Variants in SCN8A observed in about 807,000 individuals in gnomAD.
The protein encoded by SCN8A is sodium channel protein type 8 subunit alpha.
In SCN8A, 30 loss-of-function variants were observed where a neutral mutation model predicts 184.1. That is an observed-to-expected ratio of 0.16 (90% CI 0.12 to 0.22). The LOEUF (loss-of-function observed/expected upper bound fraction) is 0.22. SCN8A is among the 10% of genes least tolerant of loss of function. SCN8A has a pLI of 1.00. For synonymous variants in SCN8A, 852 were observed against 907.0 expected, an observed-to-expected ratio of 0.94 and a Z score of 1.09; for missense variants, 1,057 against 2,498.9, an observed-to-expected ratio of 0.42 and a Z score of 12.30.
intron 25 of SCN8A, among the ~76,000 whole-genome samples, chr12:51,791,216 C>CA (rs941074091): frequency 2.6e-5 from 4 of 151,970 alleles, no homozygotes; most frequent in Non-Finnish European, 5.9e-5. Context: ...ACAACACCAC[C>CA]AAAAAAACCC....
intron 6 of SCN8A, among the ~76,000 whole-genome samples, chr12:51,693,339 T>C (rs1326199878): frequency 2.0e-5 from 3 of 152,240 alleles, no homozygotes; most frequent in African/African-American, 7.2e-5. Flanking sequence ...CACTAAATGC[T>C]CACAGGATCC....
chr12:51,731,122 A>G (rs865858099), intron 12 of SCN8A, among the ~76,000 whole-genome samples: 1 of 152,352 alleles, frequency 6.6e-6, no homozygotes, highest in Middle Eastern at 3.4e-3. Flanking sequence ...CTATTGATGG[A>G]CACTTAGGTT....
chr12:51,597,586 G>A (rs1939376627), intron 1 of SCN8A, among the ~76,000 whole-genome samples: 1 of 152,128 alleles, frequency 6.6e-6, no homozygotes, highest in Admixed American at 6.5e-5. Flanking sequence ...AAATTAAAAT[G>A]TTACTTTTAC....
intron 1 of SCN8A, among the ~76,000 whole-genome samples, chr12:51,628,671 A>G (rs937451818): frequency 5.9e-5 from 9 of 152,112 alleles, no homozygotes; most frequent in Non-Finnish European, 8.8e-5. Context: ...AGAGTTGAGT[A>G]TTGGTGTCAA....
chr12:51,724,981 T>C (rs1248858762), intron 12 of SCN8A, among the ~76,000 whole-genome samples: 2 of 152,132 alleles, frequency 1.3e-5, no homozygotes, highest in Non-Finnish European at 2.9e-5. Flanking sequence ...AGGTCTGCAT[T>C]TGGGTTTTGG....
intron 1 of SCN8A, among the ~76,000 whole-genome samples, chr12:51,641,961 TGAAAA>T (rs1279356592): frequency 6.6e-6 from 1 of 152,234 alleles, no homozygotes; most frequent in Non-Finnish European, 1.5e-5. Context: ...GCAGAACTGT[TGAAAA>T]GAAGATGCAT....
chr12:51,618,279 G>C (rs541343055), intron 1 of SCN8A, among the ~76,000 whole-genome samples: 1 of 152,172 alleles, frequency 6.6e-6, no homozygotes, highest in South Asian at 2.1e-4. Flanking sequence ...GGGCAGGAGA[G>C]AGCAGGAAAC....
At chr12:51,793,415 G>A (rs1453616227) in intron 25 of SCN8A, among the ~76,000 whole-genome samples, 1 of 152,146 alleles carries the variant, frequency 6.6e-6, no homozygotes, top group East Asian at 1.9e-4. Context: ...CTTGGACATG[G>A]TAAGTTTGAG....
At chr12:51,629,142 G>C (rs977700779) in intron 1 of SCN8A, among the ~76,000 whole-genome samples, 1 of 152,196 alleles carries the variant, frequency 6.6e-6, no homozygotes, top group Non-Finnish European at 1.5e-5. Flanking sequence ...TTGAGAAATA[G>C]ATTTCTTTAT....
At chr12:51,688,073 T>C (rs1330182102) in intron 5 of SCN8A, among the ~76,000 whole-genome samples, 1 of 152,222 alleles carries the variant, frequency 6.6e-6, no homozygotes, top group African/African-American at 2.4e-5. Flanking sequence ...TGACTTTCTG[T>C]TATATAAAGG....
Position 51,807,169 on chromosome 12 carries a change from G to C in SCN8A, c.5683G>C (p.Glu1895Gln). 1 of 1,613,994 alleles carries C rather than the reference G, an allele frequency of 6.2e-7. No individual in the cohort carries two copies. Among genetic ancestry groups the C allele is most frequent in the Non-Finnish European group, 8.5e-7 (1 of 1,179,906 alleles). Residue 1895 changes from glutamate to glutamine, a missense_variant, in exon 27 of 27, where the codon GAG (glutamate) becomes CAG (glutamine). Physicochemically the swap from Glu to Gln is conservative, Grantham distance 29. Around this residue, in one of 19 missense-constraint regions of SCN8A, gnomAD observed 95 missense variants for 140.2 expected, o/e 0.68. Coordinates refer to ENST00000627620, the MANE Select transcript of SCN8A (RefSeq NM_001330260.2). The surrounding 1 kb of genome is among the most constrained non-coding windows in gnomAD (Gnocchi z 4.5). The part of the protein sequence containing the change: ...PITTTLRRKQ[E>Q]EVSAVVLQRA... ...CACAACCACACTGCGTCGCAAGCAG[G>C]AGGAGGTATCTGCAGTGGTCCTGCA...
At chr12:51,780,360 A>G (rs1323850215) in intron 20 of SCN8A, 3 of 343,360 alleles carry the variant, frequency 8.7e-6, no homozygotes, top group South Asian at 4.8e-5. Flanking sequence ...CCCCTTTTCC[A>G]ACTTGTGTGT....
Position 51,686,870 on chromosome 12 carries a change from C to T in SCN8A, c.486-221C>T, listed in dbSNP as rs561220327. ...AAGTTAACTTCCTTGGAATACAGTT[C>T]AGGACCCAGTACAACATTCCAAAGG... On this transcript the variant is annotated intron_variant, in intron 4 of 26. Transcript: ENST00000627620. Among the ~76,000 whole-genome samples, 8 of 152,274 alleles carry T rather than the reference C, an allele frequency of 5.3e-5. No homozygotes were observed. In the East Asian group the frequency reaches 1.5e-3, roughly 29 times the overall value.
intron 1 of SCN8A, among the ~76,000 whole-genome samples, chr12:51,629,775 A>C (rs559570501): frequency 6.6e-6 from 1 of 152,152 alleles, no homozygotes; most frequent in Admixed American, 6.6e-5. Context: ...GAGGGCTAAG[A>C]GGTGGGAAGG....
At chr12:51,778,276 T>C (rs1042963859) in intron 20 of SCN8A, among the ~76,000 whole-genome samples, 2 of 151,360 alleles carry the variant, frequency 1.3e-5, no homozygotes, top group African/African-American at 4.9e-5. Flanking sequence ...TATCCCTTTT[T>C]ATTTTATTTA....
rs374452942 is a variant in SCN8A at position 51,765,796 on chromosome 12, C to T, written c.2670C>T (p.Ala890=). The T allele has an allele frequency of 6.3e-5, 102 of 1,613,962 alleles. No individual in the cohort carries two copies. In the African/African-American group the frequency reaches 1.1e-3, roughly 18 times the overall value. ...TGGCCATTATTGTCTTCATCTTTGC[C>T]GTGGTGGGGATGCAACTCTTTGGAA... ...LVLAIIVFIF[A]VVGMQLFGKS... The change falls in exon 16 of 27, where the codon GCC becomes GCT. Residue 890 remains alanine (A), a synonymous_variant. Coordinates refer to ENST00000627620, the MANE Select transcript of SCN8A (RefSeq NM_001330260.2).
intron 12 of SCN8A, among the ~76,000 whole-genome samples, chr12:51,742,883 T>TTTG (rs568036860): frequency 3.3e-4 from 50 of 152,180 alleles, no homozygotes; most frequent in African/African-American, 8.4e-4. Flanking sequence ...TGTGCTTCGT[T>TTTG]TTGTTGTTGT....
intron 16 of SCN8A, chr12:51,768,296 A>G (rs2138866960): frequency 6.6e-6 from 1 of 152,384 alleles, no homozygotes; most frequent in South Asian, 2.1e-4. Context: ...AAAAAATATA[A>G]AAGTCACCAT....
chr12:51,770,596 C>T lies in SCN8A; in HGVS notation c.3558C>T (p.Ile1186=). 1 of 1,614,050 alleles carries T rather than the reference C, an allele frequency of 6.2e-7. No individual in the cohort carries two copies. ...IEEGLGKSWW[I]LRKTCFLIVE... ...AAGGGCTAGGCAAGTCTTGGTGGATCCTGCGGAAAACCTGCTTCCTCATCG... is the reference window on the plus strand; with the variant it reads ...AAGGGCTAGGCAAGTCTTGGTGGATTCTGCGGAAAACCTGCTTCCTCATCG... The change falls in exon 19 of 27, where the codon ATC becomes ATT. Residue 1186 remains isoleucine, a synonymous_variant. Coordinates refer to ENST00000627620, the MANE Select transcript of SCN8A (RefSeq NM_001330260.2).
Sources: allele counts gnomAD v4.1 joint callset (sites outside exome capture counted in the v4.1 genomes callset), GRCh38; gene constraint gnomAD v4.1.1; regional missense constraint gnomAD v4.1.1; non-coding constraint Gnocchi (gnomAD v3.1); transcripts MANE v1.5; gene names NCBI Gene and HGNC (gene_info 2026-07-23, HGNC 2026-07-21).